ARHGAP6: variants seen among roughly 807,000 people sequenced by gnomAD.
ARHGAP6 encodes the protein rho GTPase-activating protein 6.
In ARHGAP6, 16 loss-of-function variants were observed where a neutral mutation model predicts 55.7. The observed-to-expected ratio is 0.29, with a 90% CI of 0.19 to 0.44. The LOEUF is 0.44. Ranked by LOEUF, ARHGAP6 falls within the 20% of genes least tolerant of loss-of-function variation. The pLI is 1.00. For synonymous variants in ARHGAP6, 382 were observed against 360.9 expected (o/e 1.06, Z -0.66); for missense variants, 698 against 808.9 (o/e 0.86, Z 1.66).
At chrX:11,660,413 G>C (rs1164867635) in intron 1 of ARHGAP6, among the ~76,000 whole-genome samples, 5 of 107,097 alleles carry the variant, frequency 4.7e-5, no homozygotes, top group African/African-American at 1.7e-4. Context: ...CATGCCTGTA[G>C]TCGCAGCTAC....
At chrX:11,580,008 C>A (rs966860996) in intron 1 of ARHGAP6, among the ~76,000 whole-genome samples, 2 of 110,933 alleles carry the variant, frequency 1.8e-5, no homozygotes, top group African/African-American at 6.6e-5. Context: ...GAACAGAATG[C>A]GCCTCCAAAT....
chrX:11,415,982 C>T (rs776678748), intron 1 of ARHGAP6, among the ~76,000 whole-genome samples: 175 of 112,005 alleles, frequency 1.6e-3, no homozygotes, highest in African/African-American at 5.4e-3. Flanking sequence ...GTGGTGATAG[C>T]TAACTGATAC....
At chrX:11,389,785 G>A (rs1339182653) in intron 1 of ARHGAP6, among the ~76,000 whole-genome samples, 1 of 111,576 alleles carries the variant, frequency 9.0e-6, no homozygotes, top group Non-Finnish European at 1.9e-5. Context: ...TTTCAGAATT[G>A]CAATGCAAAT....
chrX:11,317,619 A>ATAAGCCAAGGGCATCAAAG lies in ARHGAP6; in HGVS notation c.589-62931_589-62913dup, dbSNP rs1186870912. Among the ~76,000 whole-genome samples, 12 of 111,933 alleles carry ATAAGCCAAGGGCATCAAAG rather than the reference A, an allele frequency of 1.1e-4. No homozygotes were observed. The South Asian group carries it at 1.9e-3, about 18-fold the overall frequency. On this transcript the variant is annotated intron_variant, in intron 1 of 12. Coordinates refer to ENST00000337414, the MANE Select transcript of ARHGAP6 (RefSeq NM_013427.3). ...GGTTTAAATGGATTTTGCTTTTATT[A>ATAAGCCAAGGGCATCAAAG]TAAGCCAAGGGCATCAAAGTGATCC...
At chrX:11,494,355 A>C (rs764843714) in intron 1 of ARHGAP6, among the ~76,000 whole-genome samples, 2 of 112,673 alleles carry the variant, frequency 1.8e-5, no homozygotes, top group South Asian at 7.4e-4. Flanking sequence ...GTTGGTAAAC[A>C]TGCCTGGACA....
At chrX:11,176,108 C>T (rs1351644940) in intron 8 of ARHGAP6, among the ~76,000 whole-genome samples, 2 of 100,346 alleles carry the variant, frequency 2.0e-5, no homozygotes, top group African/African-American at 7.2e-5. Flanking sequence ...ATATGCCACT[C>T]GTACAACCTT....
intron 1 of ARHGAP6, among the ~76,000 whole-genome samples, chrX:11,333,911 G>A (rs1244526977): frequency 9.0e-6 from 1 of 111,630 alleles, no homozygotes; most frequent in African/African-American, 3.3e-5. Context: ...TATTGCAGTG[G>A]CATAATTGAC....
At chrX:11,435,988 G>T (rs1478880418) in intron 1 of ARHGAP6, among the ~76,000 whole-genome samples, 1 of 111,995 alleles carries the variant, frequency 8.9e-6, no homozygotes, top group Non-Finnish European at 1.9e-5. Flanking sequence ...TAAGATAATT[G>T]ATTTCCATCC....
intron 1 of ARHGAP6, among the ~76,000 whole-genome samples, chrX:11,635,816 G>A (rs1483675852): frequency 9.0e-6 from 1 of 111,637 alleles, no homozygotes; most frequent in Non-Finnish European, 1.9e-5. Flanking sequence ...CTTCACTTTG[G>A]GCGTTGCAAT....
At chrX:11,532,403 A>G (rs1173991041) in intron 1 of ARHGAP6, among the ~76,000 whole-genome samples, 1 of 112,383 alleles carries the variant, frequency 8.9e-6, no homozygotes, top group Non-Finnish European at 1.9e-5. Flanking sequence ...GTACACTGCT[A>G]TGTGTTCACC....
intron 1 of ARHGAP6, among the ~76,000 whole-genome samples, chrX:11,626,999 T>A (rs2147170975): frequency 9.0e-6 from 1 of 111,636 alleles, no homozygotes; most frequent in Non-Finnish European, 1.9e-5. Context: ...AAGATCAACA[T>A]TCAATCAATG....
chrX:11,322,258 T>C (rs1027812708), intron 1 of ARHGAP6, among the ~76,000 whole-genome samples: 9 of 111,716 alleles, frequency 8.1e-5, no homozygotes, highest in African/African-American at 2.9e-4. Flanking sequence ...CCTTGGCCAG[T>C]AGCAAATCAC....
chrX:11,562,501 G>A (rs746056952), intron 1 of ARHGAP6, among the ~76,000 whole-genome samples: 2 of 111,928 alleles, frequency 1.8e-5, no homozygotes, highest in Admixed American at 1.9e-4. Flanking sequence ...ATTTGGATTT[G>A]TTTCTTTTAA....
At position 11,338,882 on chromosome X, in the gene ARHGAP6, G is replaced by A. The variant is rs145570340; in HGVS notation, c.589-84175C>T. Among the ~76,000 whole-genome samples the A allele has an allele frequency of 1.5e-3, 166 of 111,769 alleles. No individual in the cohort carries two copies. In the East Asian group the frequency reaches 0.039, roughly 26 times the overall value. On this transcript the variant is annotated intron_variant, in intron 1 of 12. Coordinates refer to ENST00000337414, the MANE Select transcript of ARHGAP6 (RefSeq NM_013427.3). Reference sequence around the variant, plus strand: ...GGACCTCCCCCAGCTTTTGCTATACGCACCCCTTTTCTCTCTTTTTCCTTC... The same window carrying A: ...GGACCTCCCCCAGCTTTTGCTATACACACCCCTTTTCTCTCTTTTTCCTTC...
At position 11,600,944 on chromosome X, in the gene ARHGAP6, C is replaced by T. The variant is rs370647607; in HGVS notation, c.588+63297G>A. 4.5e-5 allele frequency among the ~76,000 whole-genome samples: 5 copies of T among 111,938 alleles called. No homozygotes were observed. In the South Asian group the frequency reaches 1.9e-3, roughly 42 times the overall value. On this transcript the variant is annotated intron_variant, in intron 1 of 12. Coordinates refer to ENST00000337414, the MANE Select transcript of ARHGAP6 (RefSeq NM_013427.3). ...TTCCTAGTAAAACTAAGGAAGCACA[C>T]TGGACATGTGCTGAGGGTTGATCCT...
intron 1 of ARHGAP6, among the ~76,000 whole-genome samples, chrX:11,539,190 C>T (rs1428115684): frequency 1.8e-5 from 2 of 111,303 alleles, no homozygotes; most frequent in Non-Finnish European, 3.8e-5. Context: ...CAACAGCATC[C>T]CTGGCCTCTA....
intron 1 of ARHGAP6, among the ~76,000 whole-genome samples, chrX:11,532,014 G>A (rs1419689955): frequency 2.7e-5 from 3 of 112,433 alleles, no homozygotes; most frequent in Non-Finnish European, 5.6e-5. Context: ...ATGCTATTGA[G>A]GCATTGGTGC....
chrX:11,225,904 C>A (rs2047039821), intron 2 of ARHGAP6, among the ~76,000 whole-genome samples: 1 of 109,855 alleles, frequency 9.1e-6, no homozygotes, highest in Non-Finnish European at 1.9e-5. Flanking sequence ...CAGAGCTTTA[C>A]AGGTATCCTT....
At position 11,568,184 on chromosome X, in the gene ARHGAP6, A is replaced by G. The variant is rs760703440; in HGVS notation, c.588+96057T>C. On this transcript the variant is annotated intron_variant, in intron 1 of 12. Transcript: ENST00000337414. Reference sequence around the variant, plus strand: ...AAAAAGTCTGTCAACTGCACACAAAATAACTGCTGAATCTCCAACAAAAAA... The same window carrying G: ...AAAAAGTCTGTCAACTGCACACAAAGTAACTGCTGAATCTCCAACAAAAAA... 8.9e-5 allele frequency among the ~76,000 whole-genome samples: 10 copies of G among 112,162 alleles called. No individual in the cohort carries two copies. In the South Asian group the frequency reaches 2.6e-3, roughly 29 times the overall value.
Sources: allele counts gnomAD v4.1 joint callset (sites outside exome capture counted in the v4.1 genomes callset), GRCh38; gene constraint gnomAD v4.1.1; transcripts MANE v1.5; gene names NCBI Gene and HGNC (gene_info 2026-07-23, HGNC 2026-07-21).